Variants in GABBR2 observed in about 807,000 individuals in gnomAD.
The protein encoded by GABBR2 is G-protein coupled receptor 51.
GABBR2 carries 23 observed loss-of-function variants against 105.6 expected under a neutral mutation model. The observed-to-expected ratio is 0.22, with a 90% CI of 0.16 to 0.31. GABBR2 has a LOEUF of 0.31. GABBR2 is among the 10% of genes least tolerant of loss of function. The pLI, the probability that GABBR2 is intolerant of heterozygous loss-of-function variation, is 1.00. For synonymous variants in GABBR2, 478 were observed against 499.7 expected, an observed-to-expected ratio of 0.96 and a Z score of 0.58; for missense variants, 734 against 1,245.5, an observed-to-expected ratio of 0.59 and a Z score of 6.18.
chr9:98,646,487 T>C (rs775073116), intron 1 of GABBR2, among the ~76,000 whole-genome samples: 1 of 152,202 alleles, frequency 6.6e-6, no homozygotes, highest in African/African-American at 2.4e-5. Context: ...CCTTTGCGGA[T>C]TCTGCTTTGT....
intron 1 of GABBR2, among the ~76,000 whole-genome samples, chr9:98,617,625 C>G (rs978967615): frequency 2.0e-5 from 3 of 152,054 alleles, no homozygotes; most frequent in Non-Finnish European, 2.9e-5. Context: ...AACTTGGGTC[C>G]CTAAAGGGAT....
chr9:98,369,580 C>T (rs1192568376), intron 12 of GABBR2, among the ~76,000 whole-genome samples: 15 of 152,180 alleles, frequency 9.9e-5, no homozygotes, highest in Non-Finnish European at 2.2e-4. Flanking sequence ...TGGAGCAGAG[C>T]CTAGAACTCC....
At chr9:98,594,479 T>A (rs1829201037) in intron 1 of GABBR2, among the ~76,000 whole-genome samples, 1 of 150,684 alleles carries the variant, frequency 6.6e-6, no homozygotes, top group South Asian at 2.1e-4. Context: ...TGCCACCAAG[T>A]GCTGGGAGGG....
intron 13 of GABBR2, among the ~76,000 whole-genome samples, chr9:98,311,841 T>C (rs1443795747): frequency 6.6e-6 from 1 of 152,222 alleles, no homozygotes; most frequent in Admixed American, 6.5e-5. Context: ...TCCTACAAAG[T>C]GCTCTGCCTA....
rs79807137 is a variant in GABBR2, at chr9:98,496,699, C to T, written c.631-185G>A. Among the ~76,000 whole-genome samples, 4,050 of 152,242 alleles carry T rather than the reference C, an allele frequency of 0.027. 99 individuals carry two copies. Among genetic ancestry groups the T allele is most frequent in the African/African-American group, 0.056 (2,316 of 41,544 alleles). On this transcript the variant is annotated intron_variant, in intron 3 of 18. Coordinates refer to ENST00000259455, the MANE Select transcript of GABBR2 (RefSeq NM_005458.8). ...CAAAAACTTGAGGATCCCCCAGTCC[C>T]ACCCTGCAACTGACACATGGATACA...
intron 13 of GABBR2, among the ~76,000 whole-genome samples, chr9:98,331,485 G>A (rs754730340): frequency 6.8e-5 from 10 of 147,754 alleles, no homozygotes; most frequent in Non-Finnish European, 1.0e-4. Context: ...GGCCCCGGGC[G>A]GAGCTATTCT....
At chr9:98,673,225 G>A (rs1830428435) in intron 1 of GABBR2, among the ~76,000 whole-genome samples, 1 of 152,196 alleles carries the variant, frequency 6.6e-6, no homozygotes, top group South Asian at 2.1e-4. Context: ...AAGACCCGGT[G>A]CATATAGAGA....
intron 13 of GABBR2, among the ~76,000 whole-genome samples, chr9:98,313,808 G>A (rs576065182): frequency 2.0e-5 from 3 of 152,292 alleles, no homozygotes; most frequent in African/African-American, 7.2e-5. Flanking sequence ...GGTCTTAGAC[G>A]GGTAGCGTTT....
intron 1 of GABBR2, among the ~76,000 whole-genome samples, chr9:98,600,863 G>A (rs1390745353): frequency 3.3e-5 from 5 of 152,152 alleles, no homozygotes; most frequent in Admixed American, 2.0e-4. Context: ...CTGCTTCCAG[G>A]CCTGCTACCT....
rs558589527 is a variant in GABBR2, at chr9:98,326,690, G to A, written c.1894-15485C>T. 3.1e-4 allele frequency among the ~76,000 whole-genome samples: 47 copies of A among 152,348 alleles called. 1 individual carries two copies. The highest frequency in any genetic ancestry group is 3.9e-4 in the Admixed American group (6 of 15,306). ...GGCTTCACAGCTGGATTTTGTGTGA[G>A]TGAGGAATAAACCCTTGTTGCACTG... On this transcript the variant is annotated intron_variant, in intron 13 of 18. Coordinates refer to ENST00000259455, the MANE Select transcript of GABBR2 (RefSeq NM_005458.8).
At chr9:98,570,394 C>G (rs1264431603) in intron 2 of GABBR2, among the ~76,000 whole-genome samples, 3 of 152,188 alleles carry the variant, frequency 2.0e-5, no homozygotes, top group African/African-American at 2.4e-5. Flanking sequence ...TACGAGCAGC[C>G]CTTTATCCCT....
At chr9:98,462,828 T>A (rs764611205) in intron 6 of GABBR2, among the ~76,000 whole-genome samples, 30 of 152,220 alleles carry the variant, frequency 2.0e-4, no homozygotes, top group Non-Finnish European at 4.1e-4. Flanking sequence ...TGTGCACATA[T>A]GTTCACCAAA....
chr9:98,435,159 G>A (rs1266205237), intron 7 of GABBR2, among the ~76,000 whole-genome samples: 1 of 152,126 alleles, frequency 6.6e-6, no homozygotes, highest in African/African-American at 2.4e-5. Flanking sequence ...TGAGTGGAAT[G>A]TTTTCCTGTG....
intron 11 of GABBR2, among the ~76,000 whole-genome samples, chr9:98,377,553 T>A (rs1831898491): frequency 6.6e-6 from 1 of 152,192 alleles, no homozygotes; most frequent in South Asian, 2.1e-4. Flanking sequence ...AGGTTTTCAA[T>A]CTACACTGCC....
intron 5 of GABBR2, among the ~76,000 whole-genome samples, chr9:98,478,467 C>T (rs1430714925): frequency 3.9e-5 from 6 of 152,160 alleles, no homozygotes; most frequent in African/African-American, 1.4e-4. Flanking sequence ...ACACTATACC[C>T]AGCCCAAAGC....
chr9:98,637,044 C>T (rs1829888803), intron 1 of GABBR2, among the ~76,000 whole-genome samples: 1 of 152,110 alleles, frequency 6.6e-6, no homozygotes, highest in South Asian at 2.1e-4. Context: ...ACAGGGAGGG[C>T]CTTCCTTTCA....
At chr9:98,432,330 G>A (rs905992080) in intron 7 of GABBR2, among the ~76,000 whole-genome samples, 7 of 152,220 alleles carry the variant, frequency 4.6e-5, no homozygotes, top group South Asian at 2.1e-4. Context: ...GGGATTTCAC[G>A]GGGGTGGAGT....
intron 1 of GABBR2, among the ~76,000 whole-genome samples, chr9:98,681,891 A>G (rs1830552655): frequency 6.6e-6 from 1 of 152,234 alleles, no homozygotes; most frequent in Admixed American, 6.5e-5. Context: ...AGCAGAAACC[A>G]CAAAGATATA....
chr9:98,672,784 T>C (rs1482521540), intron 1 of GABBR2, among the ~76,000 whole-genome samples: 7 of 152,262 alleles, frequency 4.6e-5, no homozygotes, highest in Non-Finnish European at 1.0e-4. Context: ...TCCAAAGCTT[T>C]TAATAATTTC....
Sources: gnomAD v4.1 joint callset for allele counts (sites outside exome capture counted in the v4.1 genomes callset) on GRCh38, gnomAD v4.1.1 for gene constraint, MANE v1.5 for transcripts, NCBI Gene and HGNC (gene_info 2026-07-23, HGNC 2026-07-21) for gene names.